Variants in ATP2B2 observed in about 807,000 individuals in gnomAD.
ATP2B2 encodes plasma membrane calcium-transporting ATPase 2.
A neutral mutation model predicts 120.0 loss-of-function variants in ATP2B2; 15 were observed. That is an observed-to-expected ratio of 0.12 (90% CI 0.08 to 0.19). The LOEUF (loss-of-function observed/expected upper bound fraction) is 0.19, where lower values mean the gene tolerates loss of function less well. Among genes scored for constraint, ATP2B2 ranks in the 10% least tolerant of loss-of-function variants. ATP2B2 has a pLI of 1.00. For synonymous variants in ATP2B2, 694 were observed against 700.3 expected, an observed-to-expected ratio of 0.99 and a Z score of 0.14; for missense variants, 1,045 against 1,719.8, an observed-to-expected ratio of 0.61 and a Z score of 6.94.
At chr3:10,499,524 T>G (rs922639398) in intron 1 of ATP2B2, among the ~76,000 whole-genome samples, 1 of 152,258 alleles carries the variant, frequency 6.6e-6, no homozygotes, top group African/African-American at 2.4e-5. Context: ...AGTACTATTA[T>G]GATGAACATT....
chr3:10,693,768 C>T (rs1039379287), intron 1 of ATP2B2, among the ~76,000 whole-genome samples: 1 of 152,156 alleles, frequency 6.6e-6, no homozygotes, highest in African/African-American at 2.4e-5. Flanking sequence ...ATGGTTATAT[C>T]CCCAGAGCCT....
At chr3:10,603,517 G>A (rs1469436036) in intron 2 of ATP2B2, among the ~76,000 whole-genome samples, 2 of 152,212 alleles carry the variant, frequency 1.3e-5, no homozygotes, top group East Asian at 1.9e-4. Context: ...TTGTGACACC[G>A]TCAATCTGCT....
chr3:10,538,386 A>G (rs907335590), intron 2 of ATP2B2, among the ~76,000 whole-genome samples: 2 of 152,228 alleles, frequency 1.3e-5, no homozygotes, highest in East Asian at 1.9e-4. Flanking sequence ...TGAGGCCAGC[A>G]TCATCCTGAT....
intron 1 of ATP2B2, among the ~76,000 whole-genome samples, chr3:10,666,572 C>A (rs1191720977): frequency 6.6e-6 from 1 of 152,210 alleles, no homozygotes; most frequent in Non-Finnish European, 1.5e-5. Context: ...AGTCCTGCGG[C>A]CTCTTGTTCA....
chr3:10,423,496 G>A (rs568589139), intron 2 of ATP2B2, among the ~76,000 whole-genome samples: 3 of 152,242 alleles, frequency 2.0e-5, no homozygotes, highest in East Asian at 3.9e-4. Context: ...CACAAATGAC[G>A]GCCATTTCAT....
At chr3:10,358,583 T>C in intron 14 of ATP2B2, 108 bp downstream of exon 14, 1 of 1,048,086 alleles carries the variant, frequency 9.5e-7, no homozygotes, top group Non-Finnish European at 1.4e-6. Flanking sequence ...ATGGGCATTA[T>C]GTGGAAACTG....
At position 10,528,367 on chromosome 3, in the gene ATP2B2, C is replaced by T. The variant is rs538006309; in HGVS notation, c.-320+5672G>A. Among the ~76,000 whole-genome samples, 82 of 152,266 alleles carry T rather than the reference C, an allele frequency of 5.4e-4. 1 individual carries two copies. Among genetic ancestry groups the T allele is most frequent in the African/African-American group, 1.9e-3 (81 of 41,568 alleles). ...ACAGAATCTTGCTTCCTCCAGGAAGCCTCTCTGGACTAAGGGGAAAAAAGG... is the reference window on the plus strand; with the variant it reads ...ACAGAATCTTGCTTCCTCCAGGAAGTCTCTCTGGACTAAGGGGAAAAAAGG... On this transcript the variant is annotated intron_variant, in intron 3 of 21. Transcript: ENST00000646379.
At chr3:10,386,137 G>A (rs191716292) in intron 7 of ATP2B2, among the ~76,000 whole-genome samples, 240 of 152,312 alleles carry the variant, frequency 1.6e-3, no homozygotes, top group Admixed American at 4.9e-3. Context: ...CTCCCCAGGG[G>A]TGCTGGTGGG....
intron 1 of ATP2B2, among the ~76,000 whole-genome samples, chr3:10,504,067 CA>C (rs1039430922): frequency 3.3e-5 from 5 of 152,126 alleles, no homozygotes; most frequent in African/African-American, 1.2e-4. Context: ...TGTATCTGTG[CA>C]TATGTGTGAA....
At chr3:10,460,410 G>T (rs1284210141) in intron 1 of ATP2B2, among the ~76,000 whole-genome samples, 3 of 152,178 alleles carry the variant, frequency 2.0e-5, no homozygotes, top group African/African-American at 4.8e-5. Context: ...ACACTGAGGT[G>T]CTGACACAGA....
intron 11 of ATP2B2, 121 bp from the exon 12 acceptor site, chr3:10,372,172 G>A: frequency 1.4e-6 from 2 of 1,389,230 alleles, no homozygotes. Context: ...CTGCCCCTTT[G>A]CTTCCGGCAC....
Position 10,350,384 on chromosome 3 carries a change from G to A in ATP2B2, c.2316+14C>T, listed in dbSNP as rs746059327. 7 of 1,614,144 alleles carry A rather than the reference G, an allele frequency of 4.3e-6. No homozygotes were observed. Among genetic ancestry groups the A allele is most frequent in the Admixed American group, 3.3e-5 (2 of 60,018 alleles). ...GCGCGTTCCCCTGAGGATGCTTTAC[G>A]TTGGGACACGCACCTCCCCCTTCTC... is the stretch of plus-strand genomic sequence containing the variant. On this transcript the variant is annotated intron_variant, in intron 15 of 22. Coordinates refer to ENST00000360273, the MANE Select transcript of ATP2B2 (RefSeq NM_001001331.4).
intron 1 of ATP2B2, among the ~76,000 whole-genome samples, chr3:10,671,761 TGAAG>T (rs1167998625): frequency 2.6e-5 from 4 of 152,148 alleles, no homozygotes; most frequent in Non-Finnish European, 4.4e-5. Context: ...AAACTGGTGG[TGAAG>T]CTCAAAAGCC....
intron 2 of ATP2B2, among the ~76,000 whole-genome samples, chr3:10,617,024 C>T (rs1051589333): frequency 6.6e-6 from 1 of 152,240 alleles, no homozygotes; most frequent in African/African-American, 2.4e-5. Context: ...CAAACAGTTT[C>T]GATGGCTGCC....
rs373020661 is a variant in ATP2B2, at chr3:10,593,629, A to G, written c.-415+26288T>C. On this transcript the variant is annotated intron_variant, in intron 2 of 21. Transcript: ENST00000646379. ...AAAAACCCTAGAAGAAAACCTAGGC[A>G]ATACCATTCAGGACATAGGCATGGG... 7.8e-3 allele frequency among the ~76,000 whole-genome samples: 1,195 copies of G among 152,346 alleles called. 11 individuals carry two copies. The highest frequency in any genetic ancestry group is 0.012 in the Non-Finnish European group (830 of 68,026).
intron 2 of ATP2B2, among the ~76,000 whole-genome samples, chr3:10,538,294 G>A (rs2125489731): frequency 6.6e-6 from 1 of 152,270 alleles, no homozygotes; most frequent in Middle Eastern, 3.4e-3. Context: ...TTCTACCAGA[G>A]GTACAAAGAG....
intron 1 of ATP2B2, among the ~76,000 whole-genome samples, chr3:10,648,007 A>G (rs1368875844): frequency 6.6e-6 from 1 of 152,196 alleles, no homozygotes; most frequent in East Asian, 1.9e-4. Context: ...CAGCAAGAGA[A>G]AGTGGAGGAC....
chr3:10,650,057 G>A (rs111255707), intron 1 of ATP2B2, among the ~76,000 whole-genome samples: 2,013 of 152,304 alleles, frequency 0.013, 40 homozygotes, highest in African/African-American at 0.045. Context: ...GAAGATACCC[G>A]AAACTGTGGA....
intron 2 of ATP2B2, among the ~76,000 whole-genome samples, chr3:10,590,004 A>G (rs572217519): frequency 6.6e-6 from 1 of 152,334 alleles, no homozygotes; most frequent in African/African-American, 2.4e-5. Flanking sequence ...CATTTCCCCA[A>G]ACTGAAAACA....
Sources: gnomAD v4.1 joint callset for allele counts (sites outside exome capture counted in the v4.1 genomes callset) on GRCh38, gnomAD v4.1.1 for gene constraint, MANE v1.5 for transcripts, NCBI Gene and HGNC (gene_info 2026-07-23, HGNC 2026-07-21) for gene names.